Variants in WIPF2 observed in about 807,000 individuals in gnomAD.
WIPF2 encodes the protein WAS/WASL-interacting protein family member 2.
Under a neutral mutation model 38.8 loss-of-function variants are expected in WIPF2, and 23 were observed. That is an observed-to-expected ratio of 0.59 (90% CI 0.43 to 0.84). WIPF2 has a LOEUF of 0.84. Among genes scored for constraint, WIPF2 ranks in the 40% least tolerant of loss-of-function variants. The pLI is 0.00. For synonymous variants in WIPF2, 210 were observed against 223.2 expected (o/e 0.94, Z 0.53); for missense variants, 574 against 580.5 (o/e 0.99, Z 0.11).
chr17:40,239,242 T>G (rs2031095766), intron 1 of WIPF2, among the ~76,000 whole-genome samples: 1 of 151,640 alleles, frequency 6.6e-6, no homozygotes, highest in South Asian at 2.1e-4. Context: ...CGGCTAATTT[T>G]TTGTATTTTT....
intron 1 of WIPF2, among the ~76,000 whole-genome samples, chr17:40,253,929 T>C (rs1416921584): frequency 1.3e-5 from 2 of 152,254 alleles, no homozygotes; most frequent in South Asian, 4.2e-4. Context: ...AGAGAAGTAT[T>C]AAATTACTGC....
chr17:40,239,050 A>T lies in WIPF2; in HGVS notation c.-69-17341A>T, dbSNP rs201533307. Among the ~76,000 whole-genome samples the T allele has an allele frequency of 9.2e-4, 123 of 132,986 alleles. 1 individual carries two copies. In the Middle Eastern group the frequency reaches 0.011, roughly 12 times the overall value. The allele number at this position is 132,986 out of a possible 152,430, so 87.2% of individuals were successfully genotyped here. ...GTCTGGCTTCTGTTTATTTTATTTTATTTATTTATTTATTTATTTATTTAT... is the reference window on the plus strand; with the variant it reads ...GTCTGGCTTCTGTTTATTTTATTTTTTTTATTTATTTATTTATTTATTTAT... On this transcript the variant is annotated intron_variant, in intron 1 of 7. Transcript: ENST00000323571.
At chr17:40,246,242 A>G (rs2031358558) in intron 1 of WIPF2, among the ~76,000 whole-genome samples, 1 of 150,604 alleles carries the variant, frequency 6.6e-6, no homozygotes, top group Non-Finnish European at 1.5e-5. Context: ...GCGCACCACC[A>G]CACCCAGCTA....
intron 1 of WIPF2, among the ~76,000 whole-genome samples, chr17:40,230,165 C>A (rs2145287988): frequency 6.6e-6 from 1 of 152,220 alleles, no homozygotes; most frequent in East Asian, 1.9e-4. Context: ...TAGGGAGACC[C>A]CCCAGTCTCT....
intron 1 of WIPF2, among the ~76,000 whole-genome samples, chr17:40,254,174 GC>G (rs1336322904): frequency 6.6e-6 from 1 of 152,052 alleles, no homozygotes; most frequent in Non-Finnish European, 1.5e-5. Context: ...GCACAACCAT[GC>G]CGGGCTAATT....
intron 2 of WIPF2, among the ~76,000 whole-genome samples, chr17:40,258,169 G>A (rs1366439578): frequency 1.3e-5 from 2 of 152,166 alleles, no homozygotes; most frequent in Non-Finnish European, 2.9e-5. Flanking sequence ...AGGCCGAGGC[G>A]GGCGGATCAC....
At chr17:40,250,882 T>C (rs1324007734) in intron 1 of WIPF2, among the ~76,000 whole-genome samples, 2 of 151,026 alleles carry the variant, frequency 1.3e-5, no homozygotes, top group Admixed American at 1.3e-4. Context: ...CAGTGAGCTA[T>C]GATGGTGCCA....
chr17:40,260,179 CTTTTTT>C (rs34757828), intron 2 of WIPF2, among the ~76,000 whole-genome samples: 2 of 101,058 alleles, frequency 2.0e-5, no homozygotes, highest in African/African-American at 3.8e-5. Context: ...ATAAAGGGAA[CTTTTTT>C]TTTTTTTTTT....
At chr17:40,274,049 C>A in intron 6 of WIPF2, 50 bp downstream of exon 6, 1 of 1,428,348 alleles carries the variant, frequency 7.0e-7, no homozygotes, top group Non-Finnish European at 9.4e-7. Context: ...TGACTTCACC[C>A]ACTCCAGTGC....
intron 6 of WIPF2, among the ~76,000 whole-genome samples, chr17:40,276,438 T>C (rs965928614): frequency 2.0e-5 from 3 of 147,684 alleles, no homozygotes; most frequent in Non-Finnish European, 3.0e-5. Context: ...GGAGAATCGC[T>C]TGAACTTGGG....
At position 40,248,163 on chromosome 17, in the gene WIPF2, C is replaced by CTTTTTTTTT. The variant is rs60359132; in HGVS notation, c.-69-8209_-69-8201dup. Among the ~76,000 whole-genome samples, 22 of 47,598 alleles carry CTTTTTTTTT rather than the reference C, an allele frequency of 4.6e-4. 1 individual carries two copies. Among genetic ancestry groups the CTTTTTTTTT allele is most frequent in the Non-Finnish European group, 7.2e-4 (17 of 23,678 alleles). 31.2% of individuals were successfully genotyped at this position (47,598 alleles called of 152,430 possible). ...TTTAATAAAAATTTAAAAGTTATTT[C>CTTTTTTTTT]TTTTTTTTTTTTTTTTTTTTTTTTT... is the stretch of plus-strand genomic sequence containing the variant. On this transcript the variant is annotated intron_variant, in intron 1 of 7. Transcript: ENST00000323571.
At chr17:40,242,670 G>A (rs1012461715) in intron 1 of WIPF2, among the ~76,000 whole-genome samples, 17 of 152,152 alleles carry the variant, frequency 1.1e-4, no homozygotes, top group African/African-American at 3.9e-4. Flanking sequence ...CCAGAGTGCT[G>A]GGATTACAGG....
rs376837833 is a variant in WIPF2 at position 40,262,594 on chromosome 17, A to G, written c.266A>G (p.Gln89Arg). Reference protein sequence around the residue: ...AALQPKGGLFQGGVLKLRPVG... With the variant: ...AALQPKGGLFRGGVLKLRPVG... Reference sequence around the variant, plus strand: ...CTGCAGCCCAAGGGAGGTCTCTTCCAAGGAGGAGTGCTGAAGCTTCGACCT... The same window carrying G: ...CTGCAGCCCAAGGGAGGTCTCTTCCGAGGAGGAGTGCTGAAGCTTCGACCT... The change falls in exon 4 of 8, where the codon CAA (glutamine) becomes CGA (arginine). Residue 89 changes from glutamine to arginine, a missense_variant. Coordinates refer to ENST00000323571, the MANE Select transcript of WIPF2 (RefSeq NM_133264.5). The G allele has an allele frequency of 5.0e-6, 8 of 1,613,828 alleles. No individual in the cohort carries two copies. The highest frequency in any genetic ancestry group is 5.9e-6 in the Non-Finnish European group (7 of 1,179,890).
chr17:40,233,524 G>T (rs965617176), intron 1 of WIPF2, among the ~76,000 whole-genome samples: 1 of 151,050 alleles, frequency 6.6e-6, no homozygotes, highest in African/African-American at 2.4e-5. Context: ...AAGTCTTGCT[G>T]TGTTGTCCAG....
intron 3 of WIPF2, 52 bp downstream of exon 3, chr17:40,260,719 T>A: frequency 6.2e-7 from 1 of 1,612,652 alleles, no homozygotes; most frequent in Non-Finnish European, 8.5e-7. Context: ...AGGAGTGACT[T>A]GGAGACTTGG....
chr17:40,265,223 C>T, intron 5 of WIPF2, 77 bp downstream of exon 5: 2 of 1,483,002 alleles, frequency 1.3e-6, no homozygotes, highest in South Asian at 1.3e-5. Flanking sequence ...TCCTTGAAGA[C>T]AGTAATTCGT....
At chr17:40,250,219 G>GGTTTTTTTT (rs2071628747) in intron 1 of WIPF2, among the ~76,000 whole-genome samples, 3 of 62,508 alleles carry the variant, frequency 4.8e-5, no homozygotes, top group African/African-American at 1.9e-4. Flanking sequence ...ATTTTATCAT[G>GGTTTTTTTT]TTTTTTTTTT....
At position 40,273,777 on chromosome 17, in the gene WIPF2, A is replaced by T. The variant is rs1480150752; in HGVS notation, c.971-13A>T. On this transcript the variant is annotated splice_polypyrimidine_tract_variant and intron_variant, in intron 5 of 7. Coordinates refer to ENST00000323571, the MANE Select transcript of WIPF2 (RefSeq NM_133264.5). Reference sequence around the variant, plus strand: ...CCACATCCAAACCTAACTACTTTGGATTTTAATTGCAGCTCCTCCACCCCC... The same window carrying T: ...CCACATCCAAACCTAACTACTTTGGTTTTTAATTGCAGCTCCTCCACCCCC... 3.1e-6 allele frequency: 5 copies of T among 1,596,896 alleles called. No individual in the cohort carries two copies. Among genetic ancestry groups the T allele is most frequent in the Admixed American group, 1.7e-5 (1 of 59,926 alleles).
intron 1 of WIPF2, among the ~76,000 whole-genome samples, chr17:40,223,786 T>G (rs1334639427): frequency 1.3e-5 from 2 of 151,878 alleles, no homozygotes; most frequent in Non-Finnish European, 2.9e-5. Context: ...GAGGTTTCAC[T>G]GTGTTGGTCA....
Sources: allele counts gnomAD v4.1 joint callset (sites outside exome capture counted in the v4.1 genomes callset), GRCh38; gene constraint gnomAD v4.1.1; transcripts MANE v1.5; gene names NCBI Gene and HGNC (gene_info 2026-07-23, HGNC 2026-07-21).